The following SPTAN1 variants were observed in gnomAD, a reference collection of about 807,000 sequenced individuals.
SPTAN1 encodes spectrin alpha, non-erythrocytic 1, also known as spectrin alpha chain, non-erythrocytic 1.
SPTAN1 carries 61 observed loss-of-function variants against 331.3 expected under a neutral mutation model. The observed-to-expected ratio is 0.18, with a 90% CI of 0.15 to 0.23. The LOEUF (loss-of-function observed/expected upper bound fraction) is 0.23. Among genes scored for constraint, SPTAN1 ranks in the 10% least tolerant of loss-of-function variants. The pLI is 1.00. For missense variants in SPTAN1, 2,043 were observed against 3,147.9 expected (o/e 0.65, Z 8.40); for synonymous variants, 1,153 against 1,173.9 (o/e 0.98, Z 0.36).
rs551460536 is a variant in SPTAN1, at chr9:128,621,459, T to C, written c.5832+203T>C. Among the ~76,000 whole-genome samples, 4 of 152,354 alleles carry C rather than the reference T, an allele frequency of 2.6e-5. No homozygotes were observed. The South Asian group carries it at 8.3e-4, about 32-fold the overall frequency. On this transcript the variant is annotated intron_variant, in intron 45 of 56. Coordinates refer to ENST00000372739, the MANE Select transcript of SPTAN1 (RefSeq NM_001130438.3). ...AGCCAGTAAAGTTATTCTGCAGTGC[T>C]TATTTTTTCTGCATTAAGCAACAGA... is the stretch of plus-strand genomic sequence containing the variant.
At chr9:128,619,844 T>TA (rs1474982598) in intron 44 of SPTAN1, among the ~76,000 whole-genome samples, 1 of 152,238 alleles carries the variant, frequency 6.6e-6, no homozygotes, top group Non-Finnish European at 1.5e-5. Context: ...ACCCATTTCT[T>TA]ACTTCCAATG....
In SPTAN1 at chr9:128,605,197, A is replaced by G; in HGVS notation, c.3864+19A>G. 1 of 1,614,136 alleles carries G rather than the reference A, an allele frequency of 6.2e-7. No homozygotes were observed. Among genetic ancestry groups the G allele is most frequent in the East Asian group, 2.2e-5 (1 of 44,880 alleles). On this transcript the variant is annotated intron_variant, in intron 30 of 56. Coordinates refer to ENST00000372739, the MANE Select transcript of SPTAN1 (RefSeq NM_001130438.3). ...TGACAAGGTGAGAGGACCCAAAGTCATCTTCTGTCTGGCATTTTTGCCCCA... is the reference window on the plus strand; with the variant it reads ...TGACAAGGTGAGAGGACCCAAAGTCGTCTTCTGTCTGGCATTTTTGCCCCA...
chr9:128,553,993 C>G (rs1848395162), intron 1 of SPTAN1, among the ~76,000 whole-genome samples: 1 of 152,102 alleles, frequency 6.6e-6, no homozygotes, highest in African/African-American at 2.4e-5. Context: ...GCCATTGAGT[C>G]AAGGTTCCGA....
chr9:128,591,795 CT>C (rs1853570155), intron 22 of SPTAN1, among the ~76,000 whole-genome samples, 170 bp downstream of exon 22: 1 of 152,234 alleles, frequency 6.6e-6, no homozygotes, highest in South Asian at 2.1e-4. Flanking sequence ...TCTCAGACCC[CT>C]GACTGATGAC....
chr9:128,605,219 C>T (rs1171390377), intron 30 of SPTAN1, 41 bp downstream of exon 30: 4 of 1,613,822 alleles, frequency 2.5e-6, no homozygotes, highest in African/African-American at 2.7e-5. Context: ...GCATTTTTGC[C>T]CCAGAAAGAG....
At chr9:128,569,039 C>G in intron 3 of SPTAN1, 142 bp downstream of exon 3, 3 of 1,108,944 alleles carry the variant, frequency 2.7e-6, no homozygotes, top group Non-Finnish European at 2.7e-6. Flanking sequence ...TAAGAAGTTA[C>G]CCGAATCCTG....
In SPTAN1 at chr9:128,581,822, G is replaced by A. The variant is rs1347944186; in HGVS notation, c.1502G>A (p.Ser501Asn). The change falls in exon 12 of 57, where the codon AGT becomes AAT. Residue 501 changes from serine (S) to asparagine (N), a missense_variant. Physicochemically the swap from Ser to Asn is conservative, Grantham distance 46 (BLOSUM62 1). This residue lies in a region of SPTAN1 where 1,038 missense variants were observed against 1,531.5 expected (regional missense o/e 0.68). Coordinates refer to ENST00000372739, the MANE Select transcript of SPTAN1 (RefSeq NM_001130438.3). ...GAAGACTTGGGAGATTCCTTGGATA[G>A]TGTGGAAGCGCTTCTTAAGAAGCAC... ...LNEDLGDSLD[S>N]VEALLKKHED... 1 of 1,614,040 alleles carries A rather than the reference G, an allele frequency of 6.2e-7. No homozygotes were observed. The highest frequency in any genetic ancestry group is 8.5e-7 in the Non-Finnish European group (1 of 1,180,000).
At chr9:128,601,100 C>T (rs911031020) in intron 27 of SPTAN1, among the ~76,000 whole-genome samples, 1 of 149,048 alleles carries the variant, frequency 6.7e-6, no homozygotes, top group African/African-American at 2.5e-5. Flanking sequence ...CCTCCTTCCT[C>T]AGCTCCCCTA....
chr9:128,624,082 G>A (rs898050816), intron 45 of SPTAN1, among the ~76,000 whole-genome samples: 41 of 86,092 alleles, frequency 4.8e-4, no homozygotes, highest in East Asian at 1.3e-3. Flanking sequence ...AATTCACTCC[G>A]TCTCAAAAAA....
rs780477971 is a variant in SPTAN1 at position 128,584,918 on chromosome 9, G to A, written c.2560+75G>A. 1.2e-4 allele frequency: 193 copies of A among 1,588,346 alleles called. 2 individuals are homozygous for A. In the East Asian group the frequency reaches 3.7e-3, roughly 30 times the overall value. ...CCCTTCTTGCCGAGGGCATGGCCACGTGGGCATCACAAACCAGGCTCTGGG... is the reference window on the plus strand; with the variant it reads ...CCCTTCTTGCCGAGGGCATGGCCACATGGGCATCACAAACCAGGCTCTGGG... On this transcript the variant is annotated intron_variant, in intron 18 of 56. Coordinates refer to ENST00000372739, the MANE Select transcript of SPTAN1 (RefSeq NM_001130438.3).
intron 44 of SPTAN1, among the ~76,000 whole-genome samples, chr9:128,620,916 C>G (rs947834366): frequency 2.0e-5 from 3 of 152,182 alleles, no homozygotes; most frequent in African/African-American, 4.8e-5. Context: ...GGTCCAAAGA[C>G]TGTCCCTGCT....
Position 128,633,045 on chromosome 9 carries a change from G to A in SPTAN1, c.7308+90G>A, listed in dbSNP as rs1273982077. On this transcript the variant is annotated intron_variant, in intron 56 of 56. Coordinates refer to ENST00000372739, the MANE Select transcript of SPTAN1 (RefSeq NM_001130438.3). ...AGCTGAGTCTGGGGTAACAGGCCCTGCGCTGGGTATTCTCCCCATTTACAA... is the reference window on the plus strand; with the variant it reads ...AGCTGAGTCTGGGGTAACAGGCCCTACGCTGGGTATTCTCCCCATTTACAA... 6.3e-6 allele frequency: 10 copies of A among 1,595,762 alleles called. No individual in the cohort carries two copies. The South Asian group carries it at 1.1e-4, about 18-fold the overall frequency.
chr9:128,627,979 G>T lies in SPTAN1; in HGVS notation c.6707+37G>T. On this transcript the variant is annotated intron_variant, in intron 51 of 56. Transcript: ENST00000372739. The surrounding 1 kb of genome is among the most constrained non-coding windows in gnomAD (Gnocchi z 4.9). ...TTTCTTCCTTCTCTGGGCTTGTCAT[G>T]TGGGGGTCTCGTGCGCTTGCCCCTC... 1.2e-6 allele frequency: 2 copies of T among 1,613,986 alleles called. No individual in the cohort carries two copies. The highest frequency in any genetic ancestry group is 2.2e-5 in the East Asian group (1 of 44,868).
intron 1 of SPTAN1, among the ~76,000 whole-genome samples, chr9:128,559,892 G>A (rs890553610): frequency 1.4e-5 from 2 of 147,580 alleles, no homozygotes; most frequent in Admixed American, 6.8e-5. Context: ...GCGCCACTAT[G>A]CTTGGCTACT....
chr9:128,554,114 G>A (rs904304355), intron 1 of SPTAN1, among the ~76,000 whole-genome samples: 3 of 152,166 alleles, frequency 2.0e-5, no homozygotes, highest in African/African-American at 7.2e-5. Context: ...TGCAGTAAAG[G>A]CCTCTGTGCA....
Position 128,623,955 on chromosome 9 carries a change from G to A in SPTAN1, c.5833-373G>A, listed in dbSNP as rs201348797. Among the ~76,000 whole-genome samples the A allele has an allele frequency of 2.4e-4, 33 of 136,166 alleles. No individual in the cohort carries two copies. In the East Asian group the frequency reaches 8.4e-3, roughly 35 times the overall value. The allele number at this position is 136,166 out of a possible 152,430, so 89.3% of individuals were successfully genotyped here. On this transcript the variant is annotated intron_variant, in intron 45 of 56. Transcript: ENST00000372739. ...TAATTAGCTGTGCATGGTGGTGTTCGCCTATTAGTCCCAGCTACTCGGGAG... is the reference window on the plus strand; with the variant it reads ...TAATTAGCTGTGCATGGTGGTGTTCACCTATTAGTCCCAGCTACTCGGGAG...
At chr9:128,559,315 T>A (rs759471270) in intron 1 of SPTAN1, among the ~76,000 whole-genome samples, 25 of 152,196 alleles carry the variant, frequency 1.6e-4, no homozygotes, top group Non-Finnish European at 3.4e-4. Context: ...CAGGATCAAA[T>A]CAGCAAGCTG....
At chr9:128,630,577 T>G in intron 52 of SPTAN1, 3 of 564,120 alleles carry the variant, frequency 5.3e-6, no homozygotes, top group Non-Finnish European at 9.6e-6. Flanking sequence ...TCGCCCAGGC[T>G]GGAGTGCAGT....
At position 128,627,808 on chromosome 9, in the gene SPTAN1, A is replaced by C; in HGVS notation, c.6690-117A>C. ...ACGATGCAGGGTCTGTGCGTTGGGT[A>C]CTGATGTTCTTGCTTTTGTTTTCCT... On this transcript the variant is annotated intron_variant, in intron 50 of 56. Transcript: ENST00000372739. The surrounding 1 kb of genome is among the most constrained non-coding windows in gnomAD (Gnocchi z 4.9). The C allele has an allele frequency of 7.9e-7, 1 of 1,269,294 alleles. No individual in the cohort carries two copies. Among genetic ancestry groups the C allele is most frequent in the African/African-American group, 1.5e-5 (1 of 68,250 alleles). The allele number at this position is 1,269,294 out of a possible 1,614,324, so 78.6% of individuals were successfully genotyped here.
Sources: allele counts gnomAD v4.1 joint callset (sites outside exome capture counted in the v4.1 genomes callset), GRCh38; gene constraint gnomAD v4.1.1; regional missense constraint gnomAD v4.1.1; non-coding constraint Gnocchi (gnomAD v3.1); transcripts MANE v1.5; gene names NCBI Gene and HGNC (gene_info 2026-07-23, HGNC 2026-07-21).